Variants in CACNA1E observed in about 807,000 individuals in gnomAD.
The protein encoded by CACNA1E is calcium voltage-gated channel subunit alpha1 E, also known as voltage-dependent R-type calcium channel subunit alpha-1E.
A neutral mutation model predicts 259.2 loss-of-function variants in CACNA1E; 40 were observed. The observed-to-expected ratio is 0.15, with a 90% CI of 0.12 to 0.20. CACNA1E has a LOEUF of 0.20. Ranked by LOEUF, CACNA1E falls within the 10% of genes least tolerant of loss-of-function variation. The pLI is 1.00. For missense variants in CACNA1E, 1,874 were observed against 3,040.1 expected, an observed-to-expected ratio of 0.62 and a Z score of 9.02; for synonymous variants, 1,104 against 1,138.5, an observed-to-expected ratio of 0.97 and a Z score of 0.61.
intron 1 of CACNA1E, among the ~76,000 whole-genome samples, chr1:181,346,267 G>T (rs1288576018): frequency 1.3e-5 from 2 of 152,148 alleles, no homozygotes; most frequent in East Asian, 3.8e-4. Flanking sequence ...GATTTTCCTG[G>T]GTCATACTTT....
Position 181,367,577 on chromosome 1 carries a change from CTATAATA to C in CACNA1E, c.-14-45543_-14-45537del, listed in dbSNP as rs529181004. Among the ~76,000 whole-genome samples, 40 of 142,896 alleles carry C rather than the reference CTATAATA, an allele frequency of 2.8e-4. No homozygotes were observed. The South Asian group carries it at 8.4e-3, about 30-fold the overall frequency. 93.7% of individuals were successfully genotyped at this position (142,896 alleles called of 152,430 possible). A position where few individuals can be genotyped will look rare whatever the true frequency, so the allele number is the denominator to read the frequency against. On this transcript the variant is annotated intron_variant, in intron 1 of 11. Coordinates refer to the CACNA1E transcript ENST00000524607. Reference sequence around the variant, plus strand: ...TTTATATAACTATAATATTATAATACTATAATATATAATATATAACTATAATATAATT... The same window carrying C: ...TTTATATAACTATAATATTATAATACTATAATATATAACTATAATATAATT...
intron 6 of CACNA1E, among the ~76,000 whole-genome samples, chr1:181,590,683 G>A (rs1483387372): frequency 1.3e-5 from 2 of 151,990 alleles, no homozygotes; most frequent in Admixed American, 1.3e-4. Flanking sequence ...GGAGCTGGTG[G>A]GTGGGTCACA....
chr1:181,721,664 G>T, intron 15 of CACNA1E, 94 bp from the exon 16 acceptor site: 1 of 649,232 alleles, frequency 1.5e-6, no homozygotes. Flanking sequence ...GGGGGTAGAT[G>T]CAAAAGACCC....
At chr1:181,430,040 CA>C (rs1387963215) in intron 2 of CACNA1E, among the ~76,000 whole-genome samples, 2 of 152,200 alleles carry the variant, frequency 1.3e-5, no homozygotes, top group Non-Finnish European at 2.9e-5. Flanking sequence ...TGTCTGAGAT[CA>C]TCTGATGACC....
rs930941235 is a variant in CACNA1E at position 181,700,436 on chromosome 1, G to T, written c.1056-10518G>T. Among the ~76,000 whole-genome samples the T allele has an allele frequency of 1.3e-5, 2 of 152,164 alleles. 1 individual carries two copies. The highest frequency in any genetic ancestry group is 3.9e-4 in the East Asian group (2 of 5,194). On this transcript the variant is annotated intron_variant, in intron 7 of 47. Coordinates refer to ENST00000367573, the MANE Select transcript of CACNA1E (RefSeq NM_001205293.3). ...CGTAGTGTGTGGTGCACTTATTCAT[G>T]ATGTAAACAGTTGCCAGACAGCCTG...
chr1:181,776,494 T>C lies in CACNA1E; in HGVS notation c.5267+266T>C, dbSNP rs1659987069. 5.5e-6 allele frequency: 2 copies of C among 362,156 alleles called. No individual in the cohort carries two copies. Among genetic ancestry groups the C allele is most frequent in the Non-Finnish European group, 1.0e-5 (2 of 198,142 alleles). 22.4% of individuals were successfully genotyped at this position (362,156 alleles called of 1,614,324 possible). On this transcript the variant is annotated intron_variant, in intron 38 of 47. Transcript: ENST00000367573. The surrounding 1 kb of genome is among the most constrained non-coding windows in gnomAD (Gnocchi z 4.4). Reference sequence around the variant, plus strand: ...TCATCCAGTCCTCACCTCAGATTATTTGGGCTCAGTCCCAAGAGAACTTTC... The same window carrying C: ...TCATCCAGTCCTCACCTCAGATTATCTGGGCTCAGTCCCAAGAGAACTTTC...
At chr1:181,771,942 TG>T in intron 36 of CACNA1E, 123 bp from the exon 37 acceptor site, 2 of 824,702 alleles carry the variant, frequency 2.4e-6, no homozygotes, top group South Asian at 1.7e-5. Context: ...AGGGGTCAAC[TG>T]GGTAAAAAGA....
At chr1:181,779,247 A>G (rs1660214088) in intron 38 of CACNA1E, among the ~76,000 whole-genome samples, 2 of 152,168 alleles carry the variant, frequency 1.3e-5, no homozygotes, top group Non-Finnish European at 2.9e-5. Flanking sequence ...TTCCTTAGAA[A>G]ATTGCAGCAG....
At chr1:181,621,962 A>G (rs1308514187) in intron 6 of CACNA1E, among the ~76,000 whole-genome samples, 1 of 152,126 alleles carries the variant, frequency 6.6e-6, no homozygotes, top group Non-Finnish European at 1.5e-5. Flanking sequence ...CTCAAGGGGC[A>G]TACAAGACCC....
At chr1:181,777,743 CTG>C (rs776559463) in intron 38 of CACNA1E, among the ~76,000 whole-genome samples, 9 of 152,170 alleles carry the variant, frequency 5.9e-5, no homozygotes, top group Non-Finnish European at 1.3e-4. Context: ...TCATGTGTAA[CTG>C]TTATTATAAT....
intron 1 of CACNA1E, among the ~76,000 whole-genome samples, chr1:181,330,535 G>A (rs985853580): frequency 1.3e-5 from 2 of 152,186 alleles, no homozygotes; most frequent in African/African-American, 2.4e-5. Flanking sequence ...CCACAACTCC[G>A]ACCCCAGATT....
intron 8 of CACNA1E, among the ~76,000 whole-genome samples, chr1:181,711,715 AG>A (rs1653382550): frequency 6.6e-6 from 1 of 152,096 alleles, no homozygotes; most frequent in Admixed American, 6.5e-5. Context: ...AAGTTCTGGG[AG>A]AGGAGTATTT....
intron 6 of CACNA1E, among the ~76,000 whole-genome samples, chr1:181,631,515 G>A (rs1364435059): frequency 1.3e-5 from 2 of 152,096 alleles, no homozygotes; most frequent in African/African-American, 2.4e-5. Flanking sequence ...CATAGGTGGT[G>A]TTCAGCAAGA....
intron 1 of CACNA1E, among the ~76,000 whole-genome samples, chr1:181,322,423 G>T (rs890753483): frequency 6.6e-6 from 1 of 152,136 alleles, no homozygotes; most frequent in Non-Finnish European, 1.5e-5. Context: ...AAACTATAAA[G>T]CCATTCAGAA....
At chr1:181,655,629 T>C (rs199979) in intron 7 of CACNA1E, among the ~76,000 whole-genome samples, 146,467 of 152,228 alleles carry the variant, frequency 0.96, 70,707 homozygotes, top group Non-Finnish European at 1. Flanking sequence ...AAGAGAAGAA[T>C]GTGATACTCA....
At chr1:181,377,519 C>T (rs1031007698) in intron 1 of CACNA1E, among the ~76,000 whole-genome samples, 4 of 152,006 alleles carry the variant, frequency 2.6e-5, no homozygotes, top group African/African-American at 9.7e-5. Flanking sequence ...GGTTTTACAG[C>T]AGGGATGAAA....
At chr1:181,577,963 A>C in intron 4 of CACNA1E, 94 bp downstream of exon 4, 1 of 759,672 alleles carries the variant, frequency 1.3e-6, no homozygotes, top group African/African-American at 1.7e-5. Context: ...TAAACAAACA[A>C]TATTCCTCCT....
intron 2 of CACNA1E, among the ~76,000 whole-genome samples, chr1:181,449,076 G>A (rs533127351): frequency 5.9e-5 from 9 of 152,338 alleles, no homozygotes; most frequent in Non-Finnish European, 1.2e-4. Context: ...AGTTTGGTGG[G>A]GCCATTGGCA....
chr1:181,699,709 A>C (rs1039433598), intron 7 of CACNA1E, among the ~76,000 whole-genome samples: 1 of 152,210 alleles, frequency 6.6e-6, no homozygotes, highest in African/African-American at 2.4e-5. Flanking sequence ...GGCAGGAGAC[A>C]GCAGTAGCCT....
Sources: gnomAD v4.1 joint callset for allele counts (sites outside exome capture counted in the v4.1 genomes callset) on GRCh38, gnomAD v4.1.1 for gene constraint, Gnocchi (gnomAD v3.1) non-coding constraint, MANE v1.5 for transcripts, NCBI Gene and HGNC (gene_info 2026-07-23, HGNC 2026-07-21) for gene names.